The following PELP1 variants were observed in gnomAD, a reference collection of about 807,000 sequenced individuals.
PELP1 encodes proline, glutamate and leucine rich protein 1.
A neutral mutation model predicts 95.5 loss-of-function variants in PELP1; 32 were observed. The ratio of observed to expected loss-of-function variants is 0.34; its 90% confidence interval spans 0.25 to 0.45. PELP1 has a LOEUF of 0.45. PELP1 is among the 20% of genes least tolerant of loss of function. The pLI is 1.00. For synonymous variants in PELP1, 668 were observed against 600.1 expected (o/e 1.11, Z -1.65); for missense variants, 1,358 against 1,444.8 (o/e 0.94, Z 0.97).
rs1221753653 is a variant in PELP1, at chr17:4,672,255, TTCC to T, written c.2733_2735del (p.Glu915del). 1 of 1,552,522 alleles carries T rather than the reference TTCC, an allele frequency of 6.4e-7. No individual in the cohort carries two copies. The highest frequency in any genetic ancestry group is 1.4e-5 in the African/African-American group (1 of 73,072). ...AATATTCCTCTTCATCCTCTTCCTC[TTCC>T]TCAAAGTCTTCCTCCTCTTCCTCTT... On this transcript the variant is annotated inframe_deletion, in exon 16 of 17. Coordinates refer to ENST00000572293, the MANE Select transcript of PELP1 (RefSeq NM_014389.3).
At position 4,671,987 on chromosome 17, in the gene PELP1, C is replaced by T. The variant is rs777096512; in HGVS notation, c.3004G>A (p.Glu1002Lys). 2.4e-5 allele frequency: 37 copies of T among 1,538,518 alleles called. No individual in the cohort carries two copies. Among genetic ancestry groups the T allele is most frequent in the Non-Finnish European group, 3.1e-5 (35 of 1,143,808 alleles). ...TCCACTTCCAAAAGCAGCCCGGGTTCAGGTTCGGGTTCTGGCTGCACCTTT... is the reference window on the plus strand; with the variant it reads ...TCCACTTCCAAAAGCAGCCCGGGTTTAGGTTCGGGTTCTGGCTGCACCTTT... ...PPKVQPEPEP[E>K]PGLLLEVEEP... The change falls in exon 16 of 17, where the codon GAA becomes AAA. Residue 1002 changes from glutamate to lysine, a missense_variant. By Grantham distance (56) the Glu-to-Lys change is moderately conservative. Transcript: ENST00000572293.
intron 3 of PELP1, among the ~76,000 whole-genome samples, chr17:4,688,603 A>AAAAAT (rs1371515305): frequency 1.3e-5 from 2 of 152,328 alleles, no homozygotes; most frequent in Admixed American, 6.5e-5. Flanking sequence ...AACAGCTGCA[A>AAAAAT]AAAATAAAAT....
At position 4,671,340 on chromosome 17, in the gene PELP1, C is replaced by T; in HGVS notation, c.*99G>A. Reference sequence around the variant, plus strand: ...CTGAAAAGCCCAGCAGACACTTGAGCTTCTGGCTGGGGACCCAGGTGTGGC... The same window carrying T: ...CTGAAAAGCCCAGCAGACACTTGAGTTTCTGGCTGGGGACCCAGGTGTGGC... On this transcript the variant is annotated 3_prime_UTR_variant, in exon 17 of 17. Coordinates refer to ENST00000572293, the MANE Select transcript of PELP1 (RefSeq NM_014389.3). 1.4e-6 allele frequency: 1 copy of T among 728,982 alleles called. No homozygotes were observed. Among genetic ancestry groups the T allele is most frequent in the South Asian group, 1.5e-5 (1 of 66,042 alleles). 45.2% of individuals were successfully genotyped at this position (728,982 alleles called of 1,614,324 possible). A position where few individuals can be genotyped will look rare whatever the true frequency, so the allele number is the denominator to read the frequency against.
chr17:4,674,138 T>G (rs911231908), intron 13 of PELP1, among the ~76,000 whole-genome samples: 11 of 152,160 alleles, frequency 7.2e-5, no homozygotes, highest in Non-Finnish European at 1.3e-4. Flanking sequence ...GAACTCTGCC[T>G]GATAGAAAGT....
At position 4,669,847 on chromosome 17, in the gene PELP1, T is replaced by G. The variant is rs1912129336; in HGVS notation, c.*1592A>C. ...CTGTTATTTTTCTTAGGTTTGATAA[T>G]GGTATCAGGATTGTGCAGAAAAACA... On this transcript the variant is annotated 3_prime_UTR_variant, in exon 17 of 17. Transcript: ENST00000572293. 1 of 152,074 alleles carries G rather than the reference T, an allele frequency of 6.6e-6. No homozygotes were observed. Among genetic ancestry groups the G allele is most frequent in the Non-Finnish European group, 1.5e-5 (1 of 68,034 alleles). The allele number at this position is 152,074 out of a possible 1,614,324, so 9.4% of individuals were successfully genotyped here.
Position 4,674,810 on chromosome 17 carries a change from T to C in PELP1, c.1421A>G (p.Lys474Arg). Residue 474 changes from lysine to arginine, a missense_variant and splice_region_variant, in exon 12 of 17, where the codon AAG becomes AGG. Coordinates refer to ENST00000572293, the MANE Select transcript of PELP1 (RefSeq NM_014389.3). ...AAGGCGGAGCTGAGGCCTCCTCACC[T>C]TAAGGGCATCAGCTGGCGGGGAGAT... ...SDISPPADAL[K>R]LRSPRGSPDG... is the part of the protein sequence containing the mutation. 1 of 1,611,222 alleles carries C rather than the reference T, an allele frequency of 6.2e-7. No individual in the cohort carries two copies.
chr17:4,685,234 G>A (rs1034002343), intron 3 of PELP1, among the ~76,000 whole-genome samples: 8 of 152,052 alleles, frequency 5.3e-5, no homozygotes, highest in African/African-American at 1.4e-4. Flanking sequence ...CTCAGTCTGC[G>A]TCTTGTCCCA....
intron 5 of PELP1, among the ~76,000 whole-genome samples, chr17:4,678,021 C>T (rs1912555616): frequency 6.6e-6 from 1 of 152,006 alleles, no homozygotes. Flanking sequence ...CAAGACCAGC[C>T]TGGCCAACAT....
rs528163274 is a variant in PELP1, at chr17:4,685,303, G to GC, written c.421-2352dup. On this transcript the variant is annotated intron_variant, in intron 3 of 16. Transcript: ENST00000572293. Reference sequence around the variant, plus strand: ...TCGTCCCTCAAGTAGTCTTCGCTTGGCCCCCCCAGCCCGCAATCCCGGTTA... The same window carrying GC: ...TCGTCCCTCAAGTAGTCTTCGCTTGGCCCCCCCCAGCCCGCAATCCCGGTTA... Among the ~76,000 whole-genome samples the GC allele has an allele frequency of 4.3e-4, 65 of 152,024 alleles. 2 individuals are homozygous for GC. Among genetic ancestry groups the GC allele is most frequent in the South Asian group, 3.3e-3 (16 of 4,788 alleles).
At chr17:4,678,616 G>T (rs1912583135) in intron 5 of PELP1, among the ~76,000 whole-genome samples, 1 of 152,206 alleles carries the variant, frequency 6.6e-6, no homozygotes, top group African/African-American at 2.4e-5. Flanking sequence ...GACTCGCTTG[G>T]AACAGTTCAC....
At chr17:4,684,770 C>T (rs138105146) in intron 3 of PELP1, among the ~76,000 whole-genome samples, 3 of 152,316 alleles carry the variant, frequency 2.0e-5, no homozygotes, top group African/African-American at 7.2e-5. Context: ...TCTTGGCTCA[C>T]TGCAACCTCC....
Position 4,673,066 on chromosome 17 carries a change from C to T in PELP1, c.1925G>A (p.Gly642Asp). Residue 642 changes from glycine (G) to aspartate (D), a missense_variant, in exon 16 of 17, where the codon GGC becomes GAC. Physicochemically the swap from Gly to Asp is moderately conservative, Grantham distance 94. Around this residue, in one of 7 missense-constraint regions of PELP1, gnomAD observed 340 missense variants for 322.9 expected, o/e 1.05. Transcript: ENST00000572293. The surrounding 1 kb of genome is among the most constrained non-coding windows in gnomAD (Gnocchi z 5.7). ...HPRVPPLQPM[G>D]PTCPTPAPVP... ...TGGAGCAGGTGTGGGGCAGGTGGGGCCCATGGGCTGCAGGGGAGGAACCCG... is the reference window on the plus strand; with the variant it reads ...TGGAGCAGGTGTGGGGCAGGTGGGGTCCATGGGCTGCAGGGGAGGAACCCG... The T allele has an allele frequency of 6.5e-7, 1 of 1,526,848 alleles. No individual in the cohort carries two copies. Among genetic ancestry groups the T allele is most frequent in the Non-Finnish European group, 8.8e-7 (1 of 1,139,998 alleles). 94.6% of individuals were successfully genotyped at this position (1,526,848 alleles called of 1,614,324 possible). A position where few individuals can be genotyped will look rare whatever the true frequency, so the allele number is the denominator to read the frequency against.
Position 4,675,504 on chromosome 17 carries a change from A to ACC in PELP1, c.1069-144_1069-143dup. On this transcript the variant is annotated intron_variant, in intron 9 of 16. Transcript: ENST00000572293. This position sits in a 1 kb window ranked among gnomAD's most constrained non-coding sequence, Gnocchi z 4.3. ...ATCTCAGCTCTCCCAACAAAATCAA[A>ACC]CCCCTATCCTCTAAAATAGACCCTG... 1 of 719,880 alleles carries ACC rather than the reference A, an allele frequency of 1.4e-6. No individual in the cohort carries two copies. 44.6% of individuals were successfully genotyped at this position (719,880 alleles called of 1,614,324 possible).
chr17:4,702,396 G>C (rs538327220), intron 1 of PELP1, among the ~76,000 whole-genome samples: 1 of 152,248 alleles, frequency 6.6e-6, no homozygotes, highest in South Asian at 2.1e-4. Flanking sequence ...TCCAACCTGG[G>C]TGACAGAGTA....
At chr17:4,695,261 G>A (rs545095976) in intron 1 of PELP1, among the ~76,000 whole-genome samples, 5 of 152,108 alleles carry the variant, frequency 3.3e-5, no homozygotes, top group East Asian at 1.9e-4. Flanking sequence ...GGCAGAGGTC[G>A]CAGTGAGCCG....
intron 1 of PELP1, among the ~76,000 whole-genome samples, chr17:4,701,733 G>A (rs1376189200): frequency 6.6e-6 from 1 of 152,190 alleles, no homozygotes; most frequent in African/African-American, 2.4e-5. Flanking sequence ...TGAGGGAAAG[G>A]ACCATGTCTT....
At chr17:4,690,042 G>A (rs1270019337) in intron 3 of PELP1, among the ~76,000 whole-genome samples, 1 of 151,102 alleles carries the variant, frequency 6.6e-6, no homozygotes. Context: ...GACAGAGACA[G>A]AGAGAGAGAG....
rs756196794 is a variant in PELP1 at position 4,676,415 on chromosome 17, G to A, written c.795C>T (p.His265=). The A allele has an allele frequency of 2.5e-6, 4 of 1,613,454 alleles. No homozygotes were observed. The highest frequency in any genetic ancestry group is 2.5e-6 in the Non-Finnish European group (3 of 1,179,662). The change falls in exon 7 of 17, where the codon CAC becomes CAT. Residue 265 remains histidine (H), a synonymous_variant. Transcript: ENST00000572293. Reference sequence around the variant, plus strand: ...GGGTGTGCAGTGAGGCCAGCAGACTGTGTAGCTCCTGCTCCCAGCTCTCGG... The same window carrying A: ...GGGTGTGCAGTGAGGCCAGCAGACTATGTAGCTCCTGCTCCCAGCTCTCGG... ...KHTESWEQEL[H]SLLASLHTLL...
chr17:4,699,994 G>A (rs1040161564), intron 1 of PELP1, among the ~76,000 whole-genome samples: 3 of 134,594 alleles, frequency 2.2e-5, no homozygotes, highest in Admixed American at 1.7e-4. Flanking sequence ...CCTCTGCCCC[G>A]AGTTCAAGCG....
Sources: allele counts gnomAD v4.1 joint callset (sites outside exome capture counted in the v4.1 genomes callset), GRCh38; gene constraint gnomAD v4.1.1; regional missense constraint gnomAD v4.1.1; non-coding constraint Gnocchi (gnomAD v3.1); transcripts MANE v1.5; gene names NCBI Gene and HGNC (gene_info 2026-07-23, HGNC 2026-07-21).